Variants in RASSF8 observed in about 807,000 individuals in gnomAD.
RASSF8 encodes ras association domain-containing protein 8.
A neutral mutation model predicts 48.5 loss-of-function variants in RASSF8; 22 were observed. That is an observed-to-expected ratio of 0.45 (90% CI 0.32 to 0.65). RASSF8 has a LOEUF of 0.65. Among genes scored for constraint, RASSF8 ranks in the 30% least tolerant of loss-of-function variants. RASSF8 has a pLI of 0.03. For missense variants in RASSF8, 418 were observed against 489.2 expected, an observed-to-expected ratio of 0.85 and a Z score of 1.37; for synonymous variants, 127 against 171.5, an observed-to-expected ratio of 0.74 and a Z score of 2.03.
rs185851533 is a variant in RASSF8, at chr12:26,015,562, G to A, written c.-109+20432G>A. On this transcript the variant is annotated intron_variant, in intron 2 of 5. Coordinates refer to ENST00000689635, the MANE Select transcript of RASSF8 (RefSeq NM_001394098.1). ...CTCATCCAAATTAATGTGTGAGGCC[G>A]TGGAAAACTGCTTATGTTTTGTGTA... 2.4e-4 allele frequency among the ~76,000 whole-genome samples: 36 copies of A among 152,294 alleles called. No homozygotes were observed. In the East Asian group the frequency reaches 5.2e-3, roughly 22 times the overall value.
At chr12:26,056,548 G>A (rs903256125) in intron 3 of RASSF8, among the ~76,000 whole-genome samples, 1 of 152,228 alleles carries the variant, frequency 6.6e-6, no homozygotes, top group South Asian at 2.1e-4. Context: ...AATTAGCTCA[G>A]CATTGAAATG....
intron 2 of RASSF8, among the ~76,000 whole-genome samples, chr12:26,010,481 T>C (rs1942496229): frequency 6.6e-6 from 1 of 152,224 alleles, no homozygotes; most frequent in South Asian, 2.1e-4. Context: ...GGAACTCCCA[T>C]ATATTTGTGC....
intron 2 of RASSF8, among the ~76,000 whole-genome samples, chr12:26,008,900 G>A (rs1942457040): frequency 6.6e-6 from 1 of 152,050 alleles, no homozygotes. Flanking sequence ...CATCTTGGTG[G>A]TCCTGGTGCA....
intron 1 of RASSF8, among the ~76,000 whole-genome samples, chr12:25,979,493 A>T (rs1305623204): frequency 6.7e-6 from 1 of 149,838 alleles, no homozygotes; most frequent in Non-Finnish European, 1.5e-5. Flanking sequence ...TTGGAGACTT[A>T]AAAAAAAAAG....
intron 1 of RASSF8, among the ~76,000 whole-genome samples, chr12:25,969,977 C>T (rs1941447165): frequency 6.6e-6 from 1 of 152,106 alleles, no homozygotes; most frequent in African/African-American, 2.4e-5. Flanking sequence ...TCACCTGCCT[C>T]CTCAAGATTT....
intron 1 of RASSF8, among the ~76,000 whole-genome samples, chr12:25,982,582 G>A (rs565289441): frequency 2.0e-5 from 3 of 152,202 alleles, no homozygotes; most frequent in Non-Finnish European, 4.4e-5. Context: ...GCCTGAAAGT[G>A]AAAGCAAGAA....
At chr12:26,005,164 GGT>G (rs34419551) in intron 2 of RASSF8, among the ~76,000 whole-genome samples, 18,213 of 149,734 alleles carry the variant, frequency 0.12, 1,415 homozygotes, top group Admixed American at 0.19. Flanking sequence ...TTACGGATGG[GGT>G]GTGTGTGTGT....
intron 1 of RASSF8, among the ~76,000 whole-genome samples, chr12:25,965,099 C>G (rs551599088): frequency 6.6e-6 from 1 of 151,998 alleles, no homozygotes; most frequent in East Asian, 1.9e-4. Flanking sequence ...CCCGCCACCA[C>G]GCCCAGCTAA....
chr12:26,049,005 A>T (rs1943434285), intron 2 of RASSF8, among the ~76,000 whole-genome samples: 1 of 152,020 alleles, frequency 6.6e-6, no homozygotes, highest in African/African-American at 2.4e-5. Flanking sequence ...TGATCCGCCT[A>T]CCTTGGCCTC....
At chr12:25,960,762 CT>C (rs1203980319) in intron 1 of RASSF8, among the ~76,000 whole-genome samples, 1 of 152,012 alleles carries the variant, frequency 6.6e-6, no homozygotes, top group African/African-American at 2.4e-5. Context: ...TTGATCAAAT[CT>C]TATGTCTGGG....
chr12:25,982,361 T>TA (rs1941764697), intron 1 of RASSF8, among the ~76,000 whole-genome samples: 1 of 152,216 alleles, frequency 6.6e-6, no homozygotes, highest in South Asian at 2.1e-4. Context: ...ACATAGTTCA[T>TA]ATGAAAAAGA....
intron 2 of RASSF8, among the ~76,000 whole-genome samples, chr12:26,028,932 A>G (rs991725521): frequency 6.6e-6 from 1 of 152,150 alleles, no homozygotes; most frequent in Non-Finnish European, 1.5e-5. Flanking sequence ...AAAAAAGCCA[A>G]ATTTGGTGCA....
In RASSF8 at chr12:26,070,614, T is replaced by C. The variant is rs142130403; in HGVS notation, c.*1796T>C. 1.7e-4 allele frequency: 159 copies of C among 956,206 alleles called. No homozygotes were observed. In the African/African-American group the frequency reaches 2.6e-3, roughly 16 times the overall value. The allele number at this position is 956,206 out of a possible 1,614,324, so 59.2% of individuals were successfully genotyped here. On this transcript the variant is annotated 3_prime_UTR_variant, in exon 6 of 6. Transcript: ENST00000689635. ...TTTTCTATCTACCTATATTTAAAAT[T>C]AGGATGATTAAAAAATAATTTATAG...
intron 1 of RASSF8, among the ~76,000 whole-genome samples, chr12:25,974,975 T>C (rs1941571189): frequency 6.6e-6 from 1 of 152,238 alleles, no homozygotes; most frequent in Non-Finnish European, 1.5e-5. Context: ...TGAGACACTT[T>C]GTTAAAAGAG....
intron 2 of RASSF8, among the ~76,000 whole-genome samples, chr12:26,017,523 C>T (rs2137048523): frequency 6.6e-6 from 1 of 152,364 alleles, no homozygotes; most frequent in Middle Eastern, 3.4e-3. Flanking sequence ...GGGCCTGGCT[C>T]AGGCTCACTG....
At chr12:25,978,404 T>TA (rs1364246766) in intron 1 of RASSF8, among the ~76,000 whole-genome samples, 2 of 152,226 alleles carry the variant, frequency 1.3e-5, no homozygotes, top group Non-Finnish European at 2.9e-5. Context: ...CTATCTTTAT[T>TA]AATTTTTGAT....
At chr12:26,051,742 A>G (rs1943495202) in intron 2 of RASSF8, among the ~76,000 whole-genome samples, 1 of 152,230 alleles carries the variant, frequency 6.6e-6, no homozygotes, top group African/African-American at 2.4e-5. Context: ...TGGTTGAGAA[A>G]AATATAATTG....
At position 26,055,324 on chromosome 12, in the gene RASSF8, G is replaced by T. The variant is rs1555169211; in HGVS notation, c.-20G>T. Reference sequence around the variant, plus strand: ...CCTGATGACCACTCTCAGGGACCTTGAGTGACTGGCCGGTGCACCATGGAA... The same window carrying T: ...CCTGATGACCACTCTCAGGGACCTTTAGTGACTGGCCGGTGCACCATGGAA... On this transcript the variant is annotated 5_prime_UTR_variant, in exon 3 of 6. An upstream open reading frame in the 5' UTR gains an earlier in-frame stop. Transcript: ENST00000689635. The T allele has an allele frequency of 2.5e-6, 4 of 1,604,482 alleles. No homozygotes were observed. The Admixed American group carries it at 6.7e-5, about 27-fold the overall frequency.
At chr12:25,996,429 T>C (rs187884134) in intron 2 of RASSF8, among the ~76,000 whole-genome samples, 1 of 152,346 alleles carries the variant, frequency 6.6e-6, no homozygotes, top group African/African-American at 2.4e-5. Context: ...AGGATCTATG[T>C]GTAAGTTATA....
Sources: gnomAD v4.1 joint callset for allele counts (sites outside exome capture counted in the v4.1 genomes callset) on GRCh38, gnomAD v4.1.1 for gene constraint, MANE v1.5 for transcripts, NCBI Gene and HGNC (gene_info 2026-07-23, HGNC 2026-07-21) for gene names.